Variants in NCOR1 observed in about 807,000 individuals in gnomAD.
The protein encoded by NCOR1 is protein phosphatase 1, regulatory subunit 109.
A neutral mutation model predicts 288.1 loss-of-function variants in NCOR1; 63 were observed. The ratio of observed to expected loss-of-function variants is 0.22; its 90% CI spans 0.18 to 0.27. NCOR1 has a LOEUF of 0.27. NCOR1 is among the 10% of genes least tolerant of loss of function. NCOR1 has a pLI of 1.00. For synonymous variants in NCOR1, 1,007 were observed against 1,065.9 expected, an observed-to-expected ratio of 0.94 and a Z score of 1.08; for missense variants, 2,397 against 3,019.2, an observed-to-expected ratio of 0.79 and a Z score of 4.83.
chr17:16,040,001 G>A (rs1597657536), intron 43 of NCOR1: 1 of 390,338 alleles, frequency 2.6e-6, no homozygotes, highest in African/African-American at 2.1e-5. Flanking sequence ...TATTGGTCAG[G>A]CTGATCTCGA....
At chr17:16,200,354 G>A (rs151074205) in intron 1 of NCOR1, among the ~76,000 whole-genome samples, 8 of 151,898 alleles carry the variant, frequency 5.3e-5, no homozygotes, top group East Asian at 1.9e-4. Flanking sequence ...AAAATTAGCC[G>A]GACATGGTGG....
chr17:16,107,580 G>C (rs2069046911), intron 19 of NCOR1, among the ~76,000 whole-genome samples: 1 of 152,122 alleles, frequency 6.6e-6, no homozygotes, highest in Non-Finnish European at 1.5e-5. Flanking sequence ...CCAATCTGTG[G>C]TATTTTGTTA....
intron 4 of NCOR1, among the ~76,000 whole-genome samples, chr17:16,170,913 A>C (rs1327545232): frequency 2.6e-5 from 4 of 152,102 alleles, no homozygotes; most frequent in African/African-American, 9.7e-5. Context: ...ACATTTCACA[A>C]AAGATGGGTA....
chr17:16,095,262 G>A (rs1287818729), intron 21 of NCOR1, among the ~76,000 whole-genome samples: 5 of 146,710 alleles, frequency 3.4e-5, no homozygotes, highest in Admixed American at 6.7e-5. Context: ...CCGCGACCCC[G>A]TCTGGGAGGT....
chr17:16,136,794 G>A (rs1228416111), intron 14 of NCOR1, among the ~76,000 whole-genome samples: 7 of 132,830 alleles, frequency 5.3e-5, no homozygotes, highest in South Asian at 2.4e-4. Context: ...GCGACAGAGC[G>A]AGACTCTGTT....
chr17:16,149,390 G>T, intron 9 of NCOR1, 61 bp downstream of exon 9: 1 of 939,270 alleles, frequency 1.1e-6, no homozygotes, highest in South Asian at 1.8e-5. Context: ...GAAAGTGAAT[G>T]CCTAAATGAG....
rs768872652 is a variant in NCOR1, at chr17:16,101,445, T to C, written c.2495A>G (p.His832Arg). 1 of 1,614,194 alleles carries C rather than the reference T, an allele frequency of 6.2e-7. No individual in the cohort carries two copies. Residue 832 changes from histidine to arginine, a missense_variant, in exon 20 of 46, where the codon CAT (histidine) becomes CGT (arginine). Transcript: ENST00000268712. ...VDVEVRVPEN[H>R]ASKVEGDNTK... ...ATTATCACCTTCAACTTTAGATGCA[T>C]GGTTTTCTGGCACCCTCACTTCAAC...
At chr17:16,151,291 T>A (rs1366832861) in intron 8 of NCOR1, among the ~76,000 whole-genome samples, 2 of 152,162 alleles carry the variant, frequency 1.3e-5, no homozygotes, top group Non-Finnish European at 2.9e-5. Context: ...TATTTTCTTA[T>A]TCCAAAATCT....
intron 8 of NCOR1, 70 bp downstream of exon 8, chr17:16,151,876 T>A: frequency 1.7e-6 from 2 of 1,163,052 alleles, no homozygotes; most frequent in Non-Finnish European, 2.5e-6. Context: ...TGTCAGCAGA[T>A]AACAAAAATG....
intron 42 of NCOR1, among the ~76,000 whole-genome samples, chr17:16,042,665 G>A (rs1937681559): frequency 6.6e-6 from 1 of 152,202 alleles, no homozygotes; most frequent in Admixed American, 6.5e-5. Flanking sequence ...CACTGTGGAG[G>A]CCAACTTGAC....
At chr17:16,178,700 A>G (rs1194309492) in intron 3 of NCOR1, among the ~76,000 whole-genome samples, 2 of 152,084 alleles carry the variant, frequency 1.3e-5, no homozygotes, top group Non-Finnish European at 1.5e-5. Context: ...TCTTATTTAT[A>G]AAAGGGTAAA....
chr17:16,161,183 C>T (rs2080769138), intron 5 of NCOR1, among the ~76,000 whole-genome samples: 1 of 151,738 alleles, frequency 6.6e-6, no homozygotes, highest in South Asian at 2.1e-4. Flanking sequence ...CCAAATAGCC[C>T]TGGGACAAAA....
At chr17:16,142,643 C>A (rs1384308817) in intron 11 of NCOR1, among the ~76,000 whole-genome samples, 1 of 152,132 alleles carries the variant, frequency 6.6e-6, no homozygotes, top group Non-Finnish European at 1.5e-5. Context: ...TTTAAAATAA[C>A]CGCACTCATG....
rs1422388328 is a variant in NCOR1 at position 16,181,207 on chromosome 17, A to ATGTGTGTGTG, written c.242+5346_242+5347insCACACACACA. 7.6e-4 allele frequency among the ~76,000 whole-genome samples: 65 copies of ATGTGTGTGTG among 85,802 alleles called. No individual in the cohort carries two copies. The East Asian group carries it at 8.3e-3, about 11-fold the overall frequency. The allele number at this position is 85,802 out of a possible 152,430, so 56.3% of individuals were successfully genotyped here. On this transcript the variant is annotated intron_variant, in intron 3 of 45. Transcript: ENST00000268712. ...GTGATGTGTGTGTGTATACATATAT[A>ATGTGTGTGTG]TGTATGTGTGTGTGTGTGTGTGTGT...
Position 16,061,891 on chromosome 17 carries a change from T to C in NCOR1, c.5391A>G (p.Pro1797=). 6.2e-6 allele frequency: 10 copies of C among 1,601,988 alleles called. No individual in the cohort carries two copies. The highest frequency in any genetic ancestry group is 7.7e-6 in the Non-Finnish European group (9 of 1,173,882). The change falls in exon 37 of 46, where the codon CCA becomes CCG. Residue 1797 remains proline, a synonymous_variant. Coordinates refer to ENST00000268712, the MANE Select transcript of NCOR1 (RefSeq NM_006311.4). ...TTATTGAAGGGCCCCCAGCAGGCAG[T>C]GGCCTGTAAATAAAACCAAATCACA... ...LDPTAQLRIM[P]LPAGGPSISQ... is the part of the protein sequence containing the mutation.
chr17:16,198,791 A>C (rs2090318500), intron 1 of NCOR1: 1 of 152,120 alleles, frequency 6.6e-6, no homozygotes, highest in Non-Finnish European at 1.5e-5. Flanking sequence ...TTTTCCAACT[A>C]ATTCTGATCT....
At chr17:16,087,320 A>G (rs1478629672) in intron 22 of NCOR1, 2 of 1,304,124 alleles carry the variant, frequency 1.5e-6, no homozygotes, top group African/African-American at 1.5e-5. Flanking sequence ...TGACCTCAGC[A>G]TAAGGCATAT....
At chr17:16,206,009 T>C (rs1345533864) in intron 1 of NCOR1, among the ~76,000 whole-genome samples, 1 of 151,100 alleles carries the variant, frequency 6.6e-6, no homozygotes, top group Non-Finnish European at 1.5e-5. Flanking sequence ...TCAATCTTGA[T>C]GGATAAAAGG....
chr17:16,214,891 G>A (rs1388594195), intron 1 of NCOR1, among the ~76,000 whole-genome samples: 1 of 152,206 alleles, frequency 6.6e-6, no homozygotes, highest in African/African-American at 2.4e-5. Context: ...TGTTAGAAAG[G>A]TGAACTAATT....
Sources: gnomAD v4.1 joint callset for allele counts (sites outside exome capture counted in the v4.1 genomes callset) on GRCh38, gnomAD v4.1.1 for gene constraint, MANE v1.5 for transcripts, NCBI Gene and HGNC (gene_info 2026-07-23, HGNC 2026-07-21) for gene names.